The following ZBTB7C variants were observed in gnomAD, a reference collection of about 807,000 sequenced individuals.
ZBTB7C encodes the protein zinc finger and BTB domain-containing protein 7C.
A neutral mutation model predicts 25.7 loss-of-function variants in ZBTB7C; 8 were observed. That is an observed-to-expected ratio of 0.31 (90% confidence interval 0.18 to 0.56). The LOEUF (loss-of-function observed/expected upper bound fraction) is 0.56. ZBTB7C is among the 20% of genes least tolerant of loss of function. The probability of loss-of-function intolerance (pLI) is 0.91; values close to 1 mark genes in which losing one functional copy is unlikely to be tolerated. For synonymous variants in ZBTB7C, 394 were observed against 369.0 expected, an observed-to-expected ratio of 1.07 and a Z score of -0.78; for missense variants, 824 against 855.2, an observed-to-expected ratio of 0.96 and a Z score of 0.46.
intron 2 of ZBTB7C, among the ~76,000 whole-genome samples, chr18:48,265,926 G>A (rs983034486): frequency 1.3e-5 from 2 of 152,190 alleles, no homozygotes; most frequent in African/African-American, 2.4e-5. Context: ...TGAGGATTAT[G>A]AAGCAGCAGC....
chr18:48,202,439 G>C (rs2042474212), intron 2 of ZBTB7C, among the ~76,000 whole-genome samples: 1 of 149,778 alleles, frequency 6.7e-6, no homozygotes, highest in Admixed American at 6.7e-5. Context: ...AGGAGGCACA[G>C]TCGCAGGGCG....
chr18:48,269,210 C>T (rs1341972586), intron 2 of ZBTB7C, among the ~76,000 whole-genome samples: 3 of 152,062 alleles, frequency 2.0e-5, no homozygotes, highest in African/African-American at 7.2e-5. Flanking sequence ...GTGATCCACC[C>T]ATCTCAGCCT....
At chr18:48,410,065 TAC>T (rs955576312), upstream of ZBTB7C, among the ~76,000 whole-genome samples, 1 of 148,386 alleles carries the variant, frequency 6.7e-6, no homozygotes, top group African/African-American at 2.6e-5. Flanking sequence ...CGGCTATTTT[TAC>T]AGAGTCCGAT....
chr18:48,164,672 C>A (rs1037237579), intron 3 of ZBTB7C, among the ~76,000 whole-genome samples: 1 of 152,064 alleles, frequency 6.6e-6, no homozygotes, highest in Non-Finnish European at 1.5e-5. Context: ...CTAGTAAGCC[C>A]CTTGAATGCA....
At chr18:48,060,231 G>A (rs561401870) in intron 3 of ZBTB7C, among the ~76,000 whole-genome samples, 66 of 152,272 alleles carry the variant, frequency 4.3e-4, no homozygotes, top group Non-Finnish European at 7.6e-4. Flanking sequence ...TGCCAGCAGG[G>A]GAAGCAGAGG....
At chr18:48,401,381 T>C (rs1435829294) in intron 1 of ZBTB7C, among the ~76,000 whole-genome samples, 1 of 152,176 alleles carries the variant, frequency 6.6e-6, no homozygotes, top group Non-Finnish European at 1.5e-5. Flanking sequence ...TGTATTATCT[T>C]ATCTCATTTT....
At chr18:48,050,663 TGACAA>T (rs879712996) in intron 3 of ZBTB7C, among the ~76,000 whole-genome samples, 1 of 152,036 alleles carries the variant, frequency 6.6e-6, no homozygotes, top group Non-Finnish European at 1.5e-5. Flanking sequence ...CCAGCCCCCT[TGACAA>T]GACAAGCAAG....
chr18:48,269,665 A>G (rs559317077), intron 2 of ZBTB7C, among the ~76,000 whole-genome samples: 4 of 152,230 alleles, frequency 2.6e-5, no homozygotes, highest in Non-Finnish European at 5.9e-5. Context: ...TTAACCTCTC[A>G]AATTACAAGA....
intron 3 of ZBTB7C, among the ~76,000 whole-genome samples, chr18:48,131,672 T>C (rs1041472283): frequency 6.6e-6 from 1 of 152,156 alleles, no homozygotes; most frequent in African/African-American, 2.4e-5. Context: ...GACTGTCTTA[T>C]AGGGACATAG....
At chr18:48,254,256 A>C (rs1040962097) in intron 2 of ZBTB7C, among the ~76,000 whole-genome samples, 12 of 152,232 alleles carry the variant, frequency 7.9e-5, no homozygotes, top group African/African-American at 2.9e-4. Context: ...AATACTACCT[A>C]GGAATAGGCA....
chr18:48,237,467 AAATAT>A (rs2043410832), intron 2 of ZBTB7C, among the ~76,000 whole-genome samples: 2 of 152,190 alleles, frequency 1.3e-5, no homozygotes, highest in Admixed American at 1.3e-4. Context: ...AAAGGCCAAT[AAATAT>A]AAGAAAAGAT....
intron 2 of ZBTB7C, among the ~76,000 whole-genome samples, chr18:48,323,160 C>T (rs2046138199): frequency 6.6e-6 from 1 of 152,090 alleles, no homozygotes; most frequent in African/African-American, 2.4e-5. Flanking sequence ...TTTAACCAAC[C>T]ACCTGTTCCC....
intron 2 of ZBTB7C, among the ~76,000 whole-genome samples, chr18:48,188,019 A>G (rs531108958): frequency 6.6e-6 from 1 of 152,294 alleles, no homozygotes; most frequent in East Asian, 1.9e-4. Context: ...ACAAATGGTT[A>G]AAATAAATAT....
At chr18:48,261,531 T>C (rs1375598486) in intron 2 of ZBTB7C, among the ~76,000 whole-genome samples, 1 of 151,920 alleles carries the variant, frequency 6.6e-6, no homozygotes, top group African/African-American at 2.4e-5. Flanking sequence ...CCAGAGAGAG[T>C]TGTTCTCATA....
At chr18:48,160,028 A>G (rs1330393281) in intron 3 of ZBTB7C, among the ~76,000 whole-genome samples, 1 of 152,246 alleles carries the variant, frequency 6.6e-6, no homozygotes, top group Non-Finnish European at 1.5e-5. Flanking sequence ...GAAAAGAGTC[A>G]CAGCATTAAT....
chr18:48,331,555 A>G (rs949198), intron 2 of ZBTB7C, among the ~76,000 whole-genome samples: 4,926 of 152,328 alleles, frequency 0.032, 103 homozygotes, highest in South Asian at 0.098. Flanking sequence ...GGCACACTGC[A>G]TTACGATAGC....
At chr18:48,167,762 C>T (rs2041317845) in intron 3 of ZBTB7C, among the ~76,000 whole-genome samples, 1 of 152,212 alleles carries the variant, frequency 6.6e-6, no homozygotes, top group South Asian at 2.1e-4. Context: ...TCTTGTATAA[C>T]ACAGCAGCCA....
intron 2 of ZBTB7C, among the ~76,000 whole-genome samples, chr18:48,302,945 A>C (rs2045580059): frequency 6.6e-6 from 1 of 152,046 alleles, no homozygotes; most frequent in South Asian, 2.1e-4. Context: ...TAGTCCCATT[A>C]GCGTTCACAG....
At chr18:48,165,173 G>C (rs935932714) in intron 3 of ZBTB7C, 1 of 1,275,400 alleles carries the variant, frequency 7.8e-7, no homozygotes, top group Admixed American at 2.3e-5. Context: ...AGTCCAGGAA[G>C]GGGAGGGTTC....
Sources: allele counts gnomAD v4.1 joint callset (sites outside exome capture counted in the v4.1 genomes callset), GRCh38; gene constraint gnomAD v4.1.1; transcripts MANE v1.5; gene names NCBI Gene and HGNC (gene_info 2026-07-23, HGNC 2026-07-21).